AKR1C3: variants seen among roughly 807,000 people sequenced by gnomAD.
AKR1C3 encodes the protein 3-alpha hydroxysteroid dehydrogenase, type II.
Under a neutral mutation model 43.6 loss-of-function variants are expected in AKR1C3, and 48 were observed. The observed-to-expected ratio is 1.10, with a 90% CI of 0.87 to 1.40. AKR1C3 has a LOEUF of 1.40. Among genes scored for constraint, AKR1C3 ranks in the 40% most tolerant of loss-of-function variants. The pLI is 0.00. For synonymous variants in AKR1C3, 162 were observed against 139.6 expected, an observed-to-expected ratio of 1.16 and a Z score of -1.13; for missense variants, 482 against 391.2, an observed-to-expected ratio of 1.23 and a Z score of -1.96.
At chr10:5,080,806 T>C (rs990010273) in intron 1 of AKR1C3, 1 of 152,196 alleles carries the variant, frequency 6.6e-6, no homozygotes, top group Non-Finnish European at 1.5e-5. Flanking sequence ...GACCACCATG[T>C]TTGTGCTCAC....
rs140256626 is a variant in AKR1C3, at chr10:5,049,262, TTTC to T, written c.84+375_84+377del. ...GTTTCCTTCTACACTGAAGAAATCT[TTTC>T]TTCTTCTAAGAAGACATAATACAGA... On this transcript the variant is annotated intron_variant, in intron 1 of 8. Coordinates refer to the AKR1C3 transcript ENST00000439082. Among the ~76,000 whole-genome samples the T allele has an allele frequency of 1.6e-3, 250 of 152,338 alleles. 1 individual carries two copies. Among genetic ancestry groups the T allele is most frequent in the African/African-American group, 5.3e-3 (222 of 41,570 alleles).
At chr10:5,069,877 A>G (rs1838583888) in intron 1 of AKR1C3, among the ~76,000 whole-genome samples, 1 of 151,984 alleles carries the variant, frequency 6.6e-6, no homozygotes, top group Admixed American at 6.6e-5. Context: ...TCTGTCTCAA[A>G]AAAAAAAAGG....
intron 1 of AKR1C3, among the ~76,000 whole-genome samples, chr10:5,058,246 G>A (rs539006859): frequency 6.6e-6 from 1 of 152,270 alleles, no homozygotes; most frequent in South Asian, 2.1e-4. Context: ...GCATAGTTGT[G>A]TATTCTCCTT....
Position 5,085,441 on chromosome 10 carries a change from G to A in AKR1C3, c.85-10969G>A, listed in dbSNP as rs1484518826. Reference sequence around the variant, plus strand: ...GGGATGAAGCCCACTTGATTATGGTGGATAAGCTTTTTGATGTGCTGCTGG... The same window carrying A: ...GGGATGAAGCCCACTTGATTATGGTAGATAAGCTTTTTGATGTGCTGCTGG... On this transcript the variant is annotated intron_variant, in intron 1 of 8. Coordinates refer to the AKR1C3 transcript ENST00000439082. 5.0e-4 allele frequency among the ~76,000 whole-genome samples: 75 copies of A among 150,818 alleles called. 2 individuals are homozygous for A. The highest frequency in any genetic ancestry group is 6.8e-4 in the Non-Finnish European group (46 of 68,022).
intron 1 of AKR1C3, among the ~76,000 whole-genome samples, chr10:5,079,221 G>A (rs1838778580): frequency 6.6e-6 from 1 of 152,164 alleles, no homozygotes; most frequent in Non-Finnish European, 1.5e-5. Context: ...CTTCCCAGGA[G>A]GCAGGAGTGG....
At chr10:5,090,207 A>G (rs1839058916), upstream of AKR1C3, among the ~76,000 whole-genome samples, 1 of 152,136 alleles carries the variant, frequency 6.6e-6, no homozygotes, top group South Asian at 2.1e-4. Flanking sequence ...TGACAGAGAT[A>G]TATCTGGGTA....
rs1385493947 is a variant in AKR1C3, at chr10:5,102,103, A to G, written c.573A>G (p.Val191=). The G allele has an allele frequency of 1.2e-6, 2 of 1,605,026 alleles. No individual in the cohort carries two copies. The highest frequency in any genetic ancestry group is 1.3e-5 in the African/African-American group (1 of 74,836). Residue 191 remains valine (V), a splice_region_variant and synonymous_variant, in exon 6 of 9, where the codon GTA becomes GTG. Coordinates refer to ENST00000380554, the MANE Select transcript of AKR1C3 (RefSeq NM_003739.6). ...TTCTCTCTTTTGGTCAACTGCAGGT[A>G]GAATGTCATCCGTATTTCAACCGGA... ...GLKYKPVCNQ[V]ECHPYFNRSK...
intron 7 of AKR1C3, among the ~76,000 whole-genome samples, chr10:5,104,453 T>C (rs1397180234): frequency 2.6e-5 from 4 of 152,194 alleles, no homozygotes; most frequent in Non-Finnish European, 4.4e-5. Context: ...TTGTCTTCAA[T>C]TGACTTATTT....
intron 1 of AKR1C3, among the ~76,000 whole-genome samples, chr10:5,070,586 C>T (rs542446987): frequency 1.3e-5 from 2 of 152,310 alleles, no homozygotes; most frequent in East Asian, 1.9e-4. Flanking sequence ...CATTTCCTGT[C>T]ATAGCTGAAG....
chr10:5,084,631 G>C lies in AKR1C3; in HGVS notation c.85-11779G>C, dbSNP rs1554782741. 2.6e-5 allele frequency among the ~76,000 whole-genome samples: 4 copies of C among 152,100 alleles called. No individual in the cohort carries two copies. In the South Asian group the frequency reaches 8.3e-4, roughly 32 times the overall value. On this transcript the variant is annotated intron_variant, in intron 1 of 8. Coordinates refer to the AKR1C3 transcript ENST00000439082. ...CTGTGAAGAAAGTAATTGGTAGCTT[G>C]ATGGGGATGGCATTGAATCTATAAA...
intron 1 of AKR1C3, chr10:5,080,709 TAAGG>T (rs1160249678): frequency 6.6e-6 from 1 of 152,256 alleles, no homozygotes; most frequent in Non-Finnish European, 1.5e-5. Flanking sequence ...GGAAGGATCT[TAAGG>T]AAGCCACTAT....
intron 7 of AKR1C3, 89 bp from the exon 8 acceptor site, chr10:5,105,506 A>T: frequency 1.0e-6 from 1 of 963,470 alleles, no homozygotes; most frequent in Non-Finnish European, 1.6e-6. Flanking sequence ...CCAATATTTT[A>T]AGTATTGTCT....
At chr10:5,085,675 G>A (rs1402568286) in intron 1 of AKR1C3, among the ~76,000 whole-genome samples, 1 of 151,884 alleles carries the variant, frequency 6.6e-6, no homozygotes, top group African/African-American at 2.4e-5. Flanking sequence ...TGTACCTGTG[G>A]TAGAATTCAG....
At chr10:5,100,795 C>T (rs901594194) in intron 5 of AKR1C3, among the ~76,000 whole-genome samples, 8 of 152,092 alleles carry the variant, frequency 5.3e-5, no homozygotes, top group African/African-American at 1.7e-4. Flanking sequence ...AATTTTCAAA[C>T]TTTCAGAAAA....
chr10:5,076,669 A>G (rs532075437), intron 1 of AKR1C3, among the ~76,000 whole-genome samples: 32 of 151,816 alleles, frequency 2.1e-4, no homozygotes, highest in Non-Finnish European at 4.3e-4. Context: ...CATGCCTTCT[A>G]TTTCCTTCTG....
chr10:5,100,910 C>T (rs1402760765), intron 5 of AKR1C3, among the ~76,000 whole-genome samples: 2 of 151,868 alleles, frequency 1.3e-5, no homozygotes, highest in African/African-American at 4.8e-5. Context: ...GTGGGTATAT[C>T]TGCATAAATA....
upstream of AKR1C3, chr10:5,093,594 T>C (rs1554784656): frequency 6.6e-6 from 1 of 152,146 alleles, no homozygotes. Flanking sequence ...TTACAAATAA[T>C]GTTTAACAAG....
intron 7 of AKR1C3, among the ~76,000 whole-genome samples, chr10:5,103,420 A>T (rs1420064196): frequency 6.6e-6 from 1 of 152,102 alleles, no homozygotes; most frequent in Non-Finnish European, 1.5e-5. Context: ...GCTGTTAAAC[A>T]AATCACCCTC....
intron 5 of AKR1C3, 40 bp from the exon 6 acceptor site, chr10:5,102,061 T>G (rs782076644): frequency 1.6e-6 from 2 of 1,237,632 alleles, no homozygotes; most frequent in South Asian, 2.4e-5. Flanking sequence ...ACATAACTAT[T>G]TCATATAAAT....
Sources: allele counts gnomAD v4.1 joint callset (sites outside exome capture counted in the v4.1 genomes callset), GRCh38; gene constraint gnomAD v4.1.1; transcripts MANE v1.5; gene names NCBI Gene and HGNC (gene_info 2026-07-23, HGNC 2026-07-21).